SV2A: variants seen among roughly 807,000 people sequenced by gnomAD.
The protein encoded by SV2A is solute carrier family 22 member B1.
In SV2A, 25 loss-of-function variants were observed where a neutral mutation model predicts 78.0. The observed-to-expected ratio is 0.32, with a 90% CI of 0.23 to 0.45. The LOEUF (loss-of-function observed/expected upper bound fraction) is 0.45, where lower values mean the gene tolerates loss of function less well. SV2A is among the 20% of genes least tolerant of loss of function. The pLI is 1.00. For missense variants in SV2A, 752 were observed against 971.5 expected, an observed-to-expected ratio of 0.77 and a Z score of 3.00; for synonymous variants, 355 against 384.7, an observed-to-expected ratio of 0.92 and a Z score of 0.90.
At chr1:149,909,750 G>T (rs2092463517) in intron 6 of SV2A, 51 bp downstream of exon 6, 1 of 1,594,804 alleles carries the variant, frequency 6.3e-7, no homozygotes, top group South Asian at 1.1e-5. Context: ...GGCCAGGTAG[G>T]GGCTGGGGCT....
At chr1:149,909,351 G>T in intron 7 of SV2A, 71 bp from the exon 8 acceptor site, 2 of 1,572,666 alleles carry the variant, frequency 1.3e-6, no homozygotes, top group Non-Finnish European at 1.8e-6. Context: ...CCACTTTTCT[G>T]CCCTCCCACC....
chr1:149,913,709 T>A lies in SV2A; in HGVS notation c.132A>T (p.Arg44Ser). The A allele has an allele frequency of 1.2e-6, 2 of 1,614,064 alleles. No individual in the cohort carries two copies. Among genetic ancestry groups the A allele is most frequent in the Non-Finnish European group, 1.7e-6 (2 of 1,179,996 alleles). Residue 44 changes from arginine (R) to serine (S), a missense_variant, in exon 2 of 13, where the codon AGA (arginine) becomes AGT (serine). By Grantham distance (110) the Arg-to-Ser change is moderately radical (BLOSUM62 -1). Coordinates refer to ENST00000369146, the MANE Select transcript of SV2A (RefSeq NM_014849.5). ...CCTCCTCCTCAAAGCGGGAGTACGATCTTCGGGAATATTCGTCCTGGACTC... is the reference window on the plus strand; with the variant it reads ...CCTCCTCCTCAAAGCGGGAGTACGAACTTCGGGAATATTCGTCCTGGACTC... Reference protein sequence around the residue: ...LDRVQDEYSRRSYSRFEEEDD... With the variant: ...LDRVQDEYSRSSYSRFEEEDD...
At chr1:149,917,217 C>CT (rs1366672651) in intron 1 of SV2A, among the ~76,000 whole-genome samples, 13 of 151,844 alleles carry the variant, frequency 8.6e-5, no homozygotes, top group African/African-American at 3.2e-4. Flanking sequence ...CTCTACATCT[C>CT]TGTCTCCCCA....
chr1:149,906,789 G>A lies in SV2A; in HGVS notation c.1746C>T (p.Gly582=). ...CCGTCCCTGTCACGTCTAGCGGGCA[G>A]CCCTCCTTGTTGTGCAGGAATGTAC... ...INSTFLHNKE[G]CPLDVTGTGE... The change falls in exon 11 of 13, where the codon GGC becomes GGT. Residue 582 remains glycine, a synonymous_variant. Coordinates refer to ENST00000369146, the MANE Select transcript of SV2A (RefSeq NM_014849.5). The A allele has an allele frequency of 1.9e-6, 3 of 1,614,230 alleles. No homozygotes were observed. The highest frequency in any genetic ancestry group is 2.5e-6 in the Non-Finnish European group (3 of 1,180,048).
At chr1:149,909,728 T>G in intron 6 of SV2A, 73 bp downstream of exon 6, 1 of 1,513,672 alleles carries the variant, frequency 6.6e-7, no homozygotes, top group South Asian at 1.1e-5. Context: ...AGGTGGGGGG[T>G]ACTCAGAGAG....
In SV2A at chr1:149,905,210, C is replaced by G. The variant is rs782318340; in HGVS notation, c.2046-13G>C. On this transcript the variant is annotated splice_polypyrimidine_tract_variant and intron_variant, in intron 12 of 12. Transcript: ENST00000369146. ...AAAAGCTGTGGTCCTGCTCAGGAGT[C>G]CCCCAGTGCAGCACGGCGCAAGGTA... 17 of 1,600,566 alleles carry G rather than the reference C, an allele frequency of 1.1e-5. No individual in the cohort carries two copies. Among genetic ancestry groups the G allele is most frequent in the African/African-American group, 4.0e-5 (3 of 74,826 alleles).
chr1:149,907,759 G>A lies in SV2A; in HGVS notation c.1619C>T (p.Thr540Ile). ...LFEECYFEDV[T>I]SSNTFFRNCT... ...GTTGCGGAAAAACGTGTTGCTGGAT[G>A]TGACATCCTCAAAATAACACTCTTC... Residue 540 changes from threonine to isoleucine, a missense_variant, in exon 10 of 13, where the codon ACA becomes ATA. Thr to Ile is a moderately conservative substitution (Grantham distance 89, BLOSUM62 -1). Transcript: ENST00000369146. The A allele has an allele frequency of 3.7e-6, 6 of 1,614,216 alleles. No homozygotes were observed. The highest frequency in any genetic ancestry group is 5.1e-6 in the Non-Finnish European group (6 of 1,180,048).
At chr1:149,916,711 T>C (rs587766775) in intron 1 of SV2A, among the ~76,000 whole-genome samples, 19 of 151,982 alleles carry the variant, frequency 1.3e-4, no homozygotes, top group African/African-American at 4.6e-4. Flanking sequence ...TAAAAAGCAA[T>C]CACTTATCAA....
intron 1 of SV2A, among the ~76,000 whole-genome samples, chr1:149,915,449 G>A (rs2092506602): frequency 6.6e-6 from 1 of 152,194 alleles, no homozygotes; most frequent in Non-Finnish European, 1.5e-5. Flanking sequence ...GTAAAGTGGA[G>A]GAAAGATGGA....
chr1:149,915,229 T>G (rs2101627723), intron 1 of SV2A, among the ~76,000 whole-genome samples: 1 of 152,210 alleles, frequency 6.6e-6, no homozygotes, highest in African/African-American at 2.4e-5. Flanking sequence ...GTTAGTTTTC[T>G]TCCTTCCTAT....
At chr1:149,914,439 C>T (rs191839461) in intron 1 of SV2A, among the ~76,000 whole-genome samples, 2 of 152,284 alleles carry the variant, frequency 1.3e-5, no homozygotes, top group East Asian at 3.9e-4. Context: ...CAGTCACCTA[C>T]CCCCAAACCC....
At chr1:149,905,269 G>T in intron 12 of SV2A, 72 bp from the exon 13 acceptor site, 2 of 1,422,772 alleles carry the variant, frequency 1.4e-6, no homozygotes, top group Non-Finnish European at 1.9e-6. Context: ...GGAGGGCAGG[G>T]AAGTGAAGTC....
chr1:149,913,307 A>T lies in SV2A; in HGVS notation c.534T>A (p.Ala178=). 1 of 1,614,212 alleles carries T rather than the reference A, an allele frequency of 6.2e-7. No individual in the cohort carries two copies. Residue 178 remains alanine (A), a synonymous_variant, in exon 2 of 13, where the codon GCT becomes GCA. Transcript: ENST00000369146. Reference sequence around the variant, plus strand: ...CCACCACAAAGACCTCCACACCGTCAGCCATCAGCGCCAGACCAAGCACAA... The same window carrying T: ...CCACCACAAAGACCTCCACACCGTCTGCCATCAGCGCCAGACCAAGCACAA... ...LYFVLGLALM[A]DGVEVFVVGF...
At position 149,910,023 on chromosome 1, in the gene SV2A, A is replaced by C. The variant is rs1231518691; in HGVS notation, c.1090-133T>G. 1.3e-6 allele frequency: 1 copy of C among 776,770 alleles called. No homozygotes were observed. The highest frequency in any genetic ancestry group is 2.2e-6 in the Non-Finnish European group (1 of 462,186). 48.1% of individuals were successfully genotyped at this position (776,770 alleles called of 1,614,324 possible). A position where few individuals can be genotyped will look rare whatever the true frequency, so the allele number is the denominator to read the frequency against. On this transcript the variant is annotated intron_variant, in intron 5 of 12. Transcript: ENST00000369146. This position sits in a 1 kb window ranked among gnomAD's most constrained non-coding sequence, Gnocchi z 4.2. ...TTCCCAGCCCTCAACCCCACCACCAAGCCCTGACCTATGGGCATGCACTCA... is the reference window on the plus strand; with the variant it reads ...TTCCCAGCCCTCAACCCCACCACCACGCCCTGACCTATGGGCATGCACTCA...
chr1:149,911,101 A>G, intron 3 of SV2A, 124 bp from the exon 4 acceptor site: 1 of 1,271,350 alleles, frequency 7.9e-7, no homozygotes, highest in Non-Finnish European at 1.1e-6. Flanking sequence ...TCTCACACAT[A>G]AAGCCTTACA....
At chr1:149,916,118 C>G (rs1359047469) in intron 1 of SV2A, among the ~76,000 whole-genome samples, 1 of 152,176 alleles carries the variant, frequency 6.6e-6, no homozygotes, top group Non-Finnish European at 1.5e-5. Flanking sequence ...GCGGAATCCC[C>G]TCAGCGCATG....
intron 10 of SV2A, 33 bp from the exon 11 acceptor site, chr1:149,906,889 A>G: frequency 1.2e-6 from 2 of 1,612,490 alleles, no homozygotes; most frequent in Non-Finnish European, 1.7e-6. Context: ...GCAGGCAGTC[A>G]TAGCAGATGG....
At position 149,909,183 on chromosome 1, in the gene SV2A, TCTC is replaced by T. The variant is rs782024485; in HGVS notation, c.1379+6_1379+8del. The T allele has an allele frequency of 1.2e-6, 2 of 1,612,936 alleles. No individual in the cohort carries two copies. The highest frequency in any genetic ancestry group is 1.7e-6 in the Non-Finnish European group (2 of 1,179,408). On this transcript the variant is annotated splice_donor_region_variant and intron_variant, in intron 8 of 12. Transcript: ENST00000369146. ...CACCACACATCACCCAGCCCACCCA[TCTC>T]CTCACCTGAATGACATGGTGAACCA...
At chr1:149,909,601 C>G (rs782814384) in intron 6 of SV2A, 30 bp from the exon 7 acceptor site, 1 of 1,596,412 alleles carries the variant, frequency 6.3e-7, no homozygotes. Flanking sequence ...TGGGCAGTCA[C>G]ACACTCTGTG....
Sources: allele counts gnomAD v4.1 joint callset (sites outside exome capture counted in the v4.1 genomes callset), GRCh38; gene constraint gnomAD v4.1.1; non-coding constraint Gnocchi (gnomAD v3.1); transcripts MANE v1.5; gene names NCBI Gene and HGNC (gene_info 2026-07-23, HGNC 2026-07-21).